Variants in CNTN5 observed in about 807,000 individuals in gnomAD.
CNTN5 encodes the protein contactin 5, also known as contactin-5.
In CNTN5, 77 loss-of-function variants were observed where a neutral mutation model predicts 129.1. That is an observed-to-expected ratio of 0.60 (90% confidence interval 0.50 to 0.72). The LOEUF (loss-of-function observed/expected upper bound fraction) is 0.72, where lower values mean the gene tolerates loss of function less well. CNTN5 is among the 30% of genes least tolerant of loss of function. The pLI, the probability that CNTN5 is intolerant of heterozygous loss-of-function variation, is 0.00. For synonymous variants in CNTN5, 509 were observed against 465.6 expected (o/e 1.09, Z -1.20); for missense variants, 1,478 against 1,328.8 (o/e 1.11, Z -1.75).
chr11:99,401,685 T>C (rs548248059), intron 2 of CNTN5, among the ~76,000 whole-genome samples: 3 of 152,282 alleles, frequency 2.0e-5, no homozygotes, highest in African/African-American at 7.2e-5. Flanking sequence ...ATGGACATTT[T>C]AACAATATTG....
chr11:99,628,822 T>A (rs1026909611), intron 3 of CNTN5, among the ~76,000 whole-genome samples: 1 of 152,078 alleles, frequency 6.6e-6, no homozygotes, highest in Middle Eastern at 3.2e-3. Context: ...ATCTAAATAA[T>A]GGCCTTCCCT....
chr11:99,202,650 G>A (rs1456995570), intron 1 of CNTN5, among the ~76,000 whole-genome samples: 2 of 151,612 alleles, frequency 1.3e-5, no homozygotes, highest in Non-Finnish European at 2.9e-5. Flanking sequence ...TAGTTTTTGG[G>A]TTGTTTTTGT....
chr11:100,136,986 A>AAAAT (rs1249976154), intron 13 of CNTN5, among the ~76,000 whole-genome samples: 5 of 151,946 alleles, frequency 3.3e-5, no homozygotes, highest in African/African-American at 9.7e-5. Flanking sequence ...AGTTTAAAAT[A>AAAAT]AAATATATAC....
intron 1 of CNTN5, among the ~76,000 whole-genome samples, chr11:99,101,698 GA>G (rs1343890377): frequency 1.3e-5 from 2 of 152,202 alleles, no homozygotes; most frequent in African/African-American, 4.8e-5. Flanking sequence ...GGGCTCCCAT[GA>G]CCTTGGGCAG....
At chr11:99,379,063 T>G (rs1010307409) in intron 2 of CNTN5, among the ~76,000 whole-genome samples, 3 of 151,984 alleles carry the variant, frequency 2.0e-5, no homozygotes, top group Non-Finnish European at 4.4e-5. Context: ...CTATTTAATT[T>G]TCTAGTCTGT....
intron 1 of CNTN5, among the ~76,000 whole-genome samples, chr11:99,269,478 C>G (rs1863070812): frequency 6.6e-6 from 1 of 151,734 alleles, no homozygotes. Context: ...GCATATAGAA[C>G]ATACCAGTTT....
intron 3 of CNTN5, among the ~76,000 whole-genome samples, chr11:99,741,424 G>T (rs956773523): frequency 2.0e-5 from 3 of 151,986 alleles, no homozygotes; most frequent in African/African-American, 4.8e-5. Context: ...CTTAAGGTAA[G>T]ATAGGCTGCT....
At chr11:100,344,960 A>C (rs1317698524) in intron 23 of CNTN5, among the ~76,000 whole-genome samples, 3 of 152,136 alleles carry the variant, frequency 2.0e-5, no homozygotes, top group Non-Finnish European at 4.4e-5. Context: ...GTACATTATA[A>C]AATTTTAAAG....
In CNTN5 at chr11:100,356,383, T is replaced by C. The variant is rs202078710; in HGVS notation, c.*163T>C. The C allele has an allele frequency of 6.6e-6, 4 of 602,988 alleles. No individual in the cohort carries two copies. In the South Asian group the frequency reaches 8.2e-5, roughly 12 times the overall value. The allele number at this position is 602,988 out of a possible 1,614,324, so 37.4% of individuals were successfully genotyped here. A position where few individuals can be genotyped will look rare whatever the true frequency, so the allele number is the denominator to read the frequency against. On this transcript the variant is annotated 3_prime_UTR_variant, in exon 25 of 25. Transcript: ENST00000524871. The stretch of plus-strand genomic sequence containing the variant: ...GAGGTTAGGGGGGAAATATTACTTA[T>C]CCATCAGGTTTCTCTTTGGTTTTTG...
intron 2 of CNTN5, among the ~76,000 whole-genome samples, chr11:99,497,792 T>A (rs1946282354): frequency 6.6e-6 from 1 of 152,074 alleles, no homozygotes; most frequent in African/African-American, 2.4e-5. Flanking sequence ...TATTACTGAA[T>A]AAGGAAAATG....
intron 2 of CNTN5, among the ~76,000 whole-genome samples, chr11:99,357,591 T>A (rs1261640675): frequency 2.0e-5 from 3 of 151,032 alleles, no homozygotes; most frequent in Admixed American, 2.0e-4. Context: ...ATATTAAAAC[T>A]CAGAAATGGC....
At chr11:100,056,647 G>A (rs1019121503) in intron 9 of CNTN5, among the ~76,000 whole-genome samples, 1 of 151,634 alleles carries the variant, frequency 6.6e-6, no homozygotes, top group East Asian at 1.9e-4. Flanking sequence ...AGAAGATACT[G>A]GTAGTAATGA....
At chr11:99,638,003 C>A (rs1157057055) in intron 3 of CNTN5, among the ~76,000 whole-genome samples, 2 of 152,048 alleles carry the variant, frequency 1.3e-5, no homozygotes, top group African/African-American at 4.8e-5. Flanking sequence ...AATGGTGGAC[C>A]ACATATGTAA....
intron 8 of CNTN5, among the ~76,000 whole-genome samples, chr11:99,988,732 G>A (rs1247948043): frequency 6.6e-6 from 1 of 152,100 alleles, no homozygotes. Flanking sequence ...TTCTCTTTAT[G>A]AATTCCCCAC....
intron 15 of CNTN5, among the ~76,000 whole-genome samples, chr11:100,213,474 T>G (rs1352016660): frequency 6.6e-6 from 1 of 152,150 alleles, no homozygotes; most frequent in African/African-American, 2.4e-5. Flanking sequence ...CAATCTGACT[T>G]GACTTTGATT....
chr11:99,692,780 G>C (rs539812677), intron 3 of CNTN5, among the ~76,000 whole-genome samples: 170 of 152,216 alleles, frequency 1.1e-3, no homozygotes, highest in African/African-American at 3.9e-3. Flanking sequence ...TAGTAAAGGA[G>C]AATCCTTTAA....
At chr11:99,565,767 T>TC (rs1948985689) in intron 3 of CNTN5, among the ~76,000 whole-genome samples, 2 of 152,094 alleles carry the variant, frequency 1.3e-5, no homozygotes, top group Admixed American at 1.3e-4. Context: ...TCCCATGATT[T>TC]CCCCCCATGC....
chr11:100,098,765 A>C (rs1350305605), intron 13 of CNTN5, among the ~76,000 whole-genome samples: 1 of 152,086 alleles, frequency 6.6e-6, no homozygotes, highest in African/African-American at 2.4e-5. Flanking sequence ...TTGAGTCAGC[A>C]GTTTGGCTGA....
At chr11:99,849,775 G>A (rs1436385715) in intron 6 of CNTN5, among the ~76,000 whole-genome samples, 1 of 152,036 alleles carries the variant, frequency 6.6e-6, no homozygotes, top group Non-Finnish European at 1.5e-5. Context: ...ACCAACATAC[G>A]ATTTGTTCAT....
Sources: allele counts gnomAD v4.1 joint callset (sites outside exome capture counted in the v4.1 genomes callset), GRCh38; gene constraint gnomAD v4.1.1; transcripts MANE v1.5; gene names NCBI Gene and HGNC (gene_info 2026-07-23, HGNC 2026-07-21).